MN1: variants seen among roughly 807,000 people sequenced by gnomAD.
MN1 encodes the protein transcriptional activator MN1.
MN1 carries 19 observed loss-of-function variants against 86.9 expected under a neutral mutation model. The observed-to-expected ratio is 0.22, with a 90% CI of 0.15 to 0.32. The LOEUF is 0.32. Among genes scored for constraint, MN1 ranks in the 10% least tolerant of loss-of-function variants. MN1 has a pLI of 1.00. For missense variants in MN1, 1,841 were observed against 1,862.0 expected (o/e 0.99, Z 0.21); for synonymous variants, 928 against 849.6 (o/e 1.09, Z -1.60).
chr22:27,776,805 G>T (rs1255684919), intron 1 of MN1, among the ~76,000 whole-genome samples: 3 of 152,196 alleles, frequency 2.0e-5, no homozygotes, highest in African/African-American at 4.8e-5. Context: ...GTCATCTGGG[G>T]TTAAGAATGG....
chr22:27,781,576 A>G (rs192980431), intron 1 of MN1, among the ~76,000 whole-genome samples: 12 of 152,336 alleles, frequency 7.9e-5, no homozygotes, highest in African/African-American at 2.9e-4. Context: ...GACATGTCCA[A>G]GAGTCCCACA....
chr22:27,761,052 C>T (rs1321996086), intron 1 of MN1, among the ~76,000 whole-genome samples: 1 of 152,190 alleles, frequency 6.6e-6, no homozygotes, highest in Non-Finnish European at 1.5e-5. Context: ...AGGTCACACC[C>T]AGAGACGTCT....
chr22:27,758,814 A>G (rs1055059932), intron 1 of MN1, among the ~76,000 whole-genome samples: 2 of 152,142 alleles, frequency 1.3e-5, no homozygotes, highest in Admixed American at 6.5e-5. Flanking sequence ...AATAGAAAGT[A>G]TAGTCACAGG....
intron 1 of MN1, among the ~76,000 whole-genome samples, chr22:27,776,117 T>C (rs1932975530): frequency 6.6e-6 from 1 of 152,110 alleles, no homozygotes; most frequent in Admixed American, 6.5e-5. Context: ...AATTCAAAGG[T>C]GGCAGACAAG....
chr22:27,762,982 C>T (rs2146297383), intron 1 of MN1, among the ~76,000 whole-genome samples: 1 of 152,048 alleles, frequency 6.6e-6, no homozygotes, highest in African/African-American at 2.4e-5. Context: ...GTGGTGTGTG[C>T]CTATGGTCTC....
At chr22:27,773,509 G>A (rs570330988) in intron 1 of MN1, among the ~76,000 whole-genome samples, 4 of 152,298 alleles carry the variant, frequency 2.6e-5, no homozygotes, top group African/African-American at 7.2e-5. Flanking sequence ...TCACGTGCTC[G>A]CCGCACTTAG....
At chr22:27,759,983 G>C (rs1297138484) in intron 1 of MN1, among the ~76,000 whole-genome samples, 1 of 152,162 alleles carries the variant, frequency 6.6e-6, no homozygotes, top group African/African-American at 2.4e-5. Context: ...TTTGGGAGGT[G>C]CAGGTGGGAG....
intron 1 of MN1, among the ~76,000 whole-genome samples, chr22:27,788,786 AATAGGAC>A (rs1176498543): frequency 6.6e-6 from 1 of 151,994 alleles, no homozygotes; most frequent in Non-Finnish European, 1.5e-5. Context: ...GGAGTTCCCA[AATAGGAC>A]CAAGAAAACC....
At position 27,750,099 on chromosome 22, in the gene MN1, C is replaced by T. The variant is rs1434145690; in HGVS notation, c.*816G>A. The T allele has an allele frequency of 4.3e-6, 1 of 232,040 alleles. No individual in the cohort carries two copies. Among genetic ancestry groups the T allele is most frequent in the African/African-American group, 2.2e-5 (1 of 45,276 alleles). The allele number at this position is 232,040 out of a possible 1,614,324, so 14.4% of individuals were successfully genotyped here. ...AGGAGGCCCAGAAAAGGAGAGAAAA[C>T]ACTGCTGTCGAACATTCCAACTCCT... On this transcript the variant is annotated 3_prime_UTR_variant, in exon 2 of 2. Transcript: ENST00000302326.
Position 27,799,793 on chromosome 22 carries a change from C to T in MN1, c.751G>A (p.Asp251Asn). 1.3e-6 allele frequency: 2 copies of T among 1,594,646 alleles called. No individual in the cohort carries two copies. The highest frequency in any genetic ancestry group is 1.7e-6 in the Non-Finnish European group (2 of 1,169,110). Reference protein sequence around the residue: ...SGHFDMFSPSDSEGQLPHYAA... With the variant: ...SGHFDMFSPSNSEGQLPHYAA... ...TAATGAGGCAGCTGCCCTTCGGAGTCAGAGGGCGAAAACATGTCAAAATGT... is the reference window on the plus strand; with the variant it reads ...TAATGAGGCAGCTGCCCTTCGGAGTTAGAGGGCGAAAACATGTCAAAATGT... The change falls in exon 1 of 2, where the codon GAC (aspartate) becomes AAC (asparagine). Residue 251 changes from aspartate (D) to asparagine (N), a missense_variant. By Grantham distance (23) the Asp-to-Asn change is conservative. Transcript: ENST00000302326.
rs762981381 is a variant in MN1 at position 27,797,284 on chromosome 22, C to T, written c.3260G>A (p.Arg1087His). 9 of 1,595,204 alleles carry T rather than the reference C, an allele frequency of 5.6e-6. No individual in the cohort carries two copies. The highest frequency in any genetic ancestry group is 7.6e-6 in the Non-Finnish European group (9 of 1,177,516). ...LVTGSPKLPP[R>H]GVGAGEHGPK... ...TCCGTGTTCCCCGGCGCCTACCCCA[C>T]GGGGAGGGAGTTTGGGCGAGCCGGT... Residue 1087 changes from arginine to histidine, a missense_variant, in exon 1 of 2, where the codon CGT becomes CAT. Physicochemically the swap from Arg to His is conservative, Grantham distance 29. Transcript: ENST00000302326.
chr22:27,800,096 C>G lies in MN1; in HGVS notation c.448G>C (p.Ala150Pro). 1 of 1,588,232 alleles carries G rather than the reference C, an allele frequency of 6.3e-7. No individual in the cohort carries two copies. The highest frequency in any genetic ancestry group is 8.5e-7 in the Non-Finnish European group (1 of 1,172,880). ...AGGLGSQPPF[A>P]EGYEHMAESQ... ...TCCGCCATGTGCTCATAGCCCTCGG[C>G]GAAGGGCGGCTGGCTGCCCAGGCCT... Residue 150 changes from alanine (A) to proline (P), a missense_variant, in exon 1 of 2, where the codon GCC becomes CCC. By Grantham distance (27) the Ala-to-Pro change is conservative. Transcript: ENST00000302326.
At chr22:27,791,043 G>A (rs1026469204) in intron 1 of MN1, among the ~76,000 whole-genome samples, 1 of 152,098 alleles carries the variant, frequency 6.6e-6, no homozygotes, top group Admixed American at 6.6e-5. Flanking sequence ...GGGTAAACTG[G>A]AGGAGTGACT....
At chr22:27,758,098 A>G (rs1480213829) in intron 1 of MN1, among the ~76,000 whole-genome samples, 1 of 151,952 alleles carries the variant, frequency 6.6e-6, no homozygotes, top group African/African-American at 2.4e-5. Flanking sequence ...CTGAAGCACC[A>G]ACCAGAGCAG....
At position 27,780,046 on chromosome 22, in the gene MN1, C is replaced by A. The variant is rs557971589; in HGVS notation, c.3781+16717G>T. Among the ~76,000 whole-genome samples the A allele has an allele frequency of 1.3e-4, 20 of 152,240 alleles. No individual in the cohort carries two copies. In the East Asian group the frequency reaches 3.7e-3, roughly 28 times the overall value. ...TGCCCTAACCTATGGCCCAGGGGCT[C>A]CAAACCAGAAGGAAAGTTTCTGCCA... is the stretch of plus-strand genomic sequence containing the variant. On this transcript the variant is annotated intron_variant, in intron 1 of 1. Coordinates refer to ENST00000302326, the MANE Select transcript of MN1 (RefSeq NM_002430.3).
chr22:27,771,196 T>C (rs1932911394), intron 1 of MN1, among the ~76,000 whole-genome samples: 4 of 150,964 alleles, frequency 2.6e-5, no homozygotes, highest in Admixed American at 6.6e-5. Context: ...GCTAAGAATG[T>C]TTTGGTGGGG....
intron 1 of MN1, chr22:27,791,629 G>A (rs1933212183): frequency 1.3e-5 from 2 of 151,952 alleles, no homozygotes; most frequent in South Asian, 4.2e-4. Flanking sequence ...ATGTTGCGGT[G>A]TGCTTGGGAG....
In MN1 at chr22:27,764,353, C is replaced by T. The variant is rs3819659; in HGVS notation, c.3782-13257G>A. Among the ~76,000 whole-genome samples the T allele has an allele frequency of 3.6e-3, 543 of 152,320 alleles. 22 individuals carry two copies. In the East Asian group the frequency reaches 0.086, roughly 24 times the overall value. ...GTACCTTGAGAAAGCTTGGGTCTCA[C>T]TGGGCTGGCCAGGTGCCCAAGGCAG... On this transcript the variant is annotated intron_variant, in intron 1 of 1. Coordinates refer to ENST00000302326, the MANE Select transcript of MN1 (RefSeq NM_002430.3).
At chr22:27,781,708 G>T (rs1213197652) in intron 1 of MN1, among the ~76,000 whole-genome samples, 1 of 152,178 alleles carries the variant, frequency 6.6e-6, no homozygotes, top group Non-Finnish European at 1.5e-5. Flanking sequence ...TATGTAACAG[G>T]TGAGGAAACT....
Sources: allele counts gnomAD v4.1 joint callset (sites outside exome capture counted in the v4.1 genomes callset), GRCh38; gene constraint gnomAD v4.1.1; transcripts MANE v1.5; gene names NCBI Gene and HGNC (gene_info 2026-07-23, HGNC 2026-07-21).